Variants in PALB2 observed in about 807,000 individuals in gnomAD.
The protein encoded by PALB2 is mutant partner and localizer of BRCA2.
PALB2 carries 82 observed loss-of-function variants against 107.4 expected under a neutral mutation model. That is an observed-to-expected ratio of 0.76 (90% CI 0.64 to 0.92). The LOEUF (loss-of-function observed/expected upper bound fraction) is 0.92, where lower values mean the gene tolerates loss of function less well. Among genes scored for constraint, PALB2 ranks in the 40% least tolerant of loss-of-function variants. The pLI is 0.00. For missense variants in PALB2, 1,374 were observed against 1,379.9 expected, an observed-to-expected ratio of 1.00 and a Z score of 0.07; for synonymous variants, 489 against 496.8, an observed-to-expected ratio of 0.98 and a Z score of 0.21.
At chr16:23,628,520 T>G (rs1966851479) in intron 6 of PALB2, among the ~76,000 whole-genome samples, 1 of 152,186 alleles carries the variant, frequency 6.6e-6, no homozygotes. Flanking sequence ...GATTAACCAC[T>G]AGAACTGCTC....
intron 11 of PALB2, among the ~76,000 whole-genome samples, chr16:23,610,820 A>G (rs1966571591): frequency 6.6e-6 from 1 of 151,734 alleles, no homozygotes; most frequent in Non-Finnish European, 1.5e-5. Flanking sequence ...GGTGGATCAC[A>G]AAGTCAGGAG....
intron 10 of PALB2, among the ~76,000 whole-genome samples, chr16:23,619,840 C>T (rs1024816332): frequency 5.3e-5 from 8 of 151,916 alleles, no homozygotes; most frequent in African/African-American, 1.2e-4. Flanking sequence ...AGTGCAGTGG[C>T]GCAATCTTGA....
chr16:23,637,887 C>A lies in PALB2; in HGVS notation c.174G>T (p.Leu58Phe). The A allele has an allele frequency of 6.2e-7, 1 of 1,613,988 alleles. No individual in the cohort carries two copies. Among genetic ancestry groups the A allele is most frequent in the Non-Finnish European group, 8.5e-7 (1 of 1,179,924 alleles). Residue 58 changes from leucine to phenylalanine, a missense_variant, in exon 3 of 13, where the codon TTG (leucine) becomes TTT (phenylalanine). Coordinates refer to ENST00000261584, the MANE Select transcript of PALB2 (RefSeq NM_024675.4). ...GCTGCGGTGAGAGATCCTGCTGAGA[C>A]AAACAATCTTGTTCTTCTACTGTTT... ...IKKTVEEQDC[L>F]SQQDLSPQLK...
intron 12 of PALB2, among the ~76,000 whole-genome samples, chr16:23,604,971 G>T (rs530003828): frequency 6.6e-6 from 1 of 152,078 alleles, no homozygotes; most frequent in East Asian, 1.9e-4. Context: ...CTACTAGGGG[G>T]GCTGAGGCAA....
At position 23,629,909 on chromosome 16, in the gene PALB2, C is replaced by T. The variant is rs1555460431; in HGVS notation, c.2245G>A (p.Glu749Lys). The T allele has an allele frequency of 6.2e-7, 1 of 1,614,068 alleles. No homozygotes were observed. ...GTGCAGCAAGTTCGTCCAGCAACTT[C>T]TGTAGATGCTTTTTCATAGGAGCCT... ...PQGSYEKAST[E>K]VAGRTCCTPQ... The change falls in exon 5 of 13, where the codon GAA (glutamate) becomes AAA (lysine). Residue 749 changes from glutamate (E) to lysine (K), a missense_variant. Coordinates refer to ENST00000261584, the MANE Select transcript of PALB2 (RefSeq NM_024675.4).
chr16:23,631,593 C>T (rs1966878395), intron 4 of PALB2, among the ~76,000 whole-genome samples: 1 of 152,112 alleles, frequency 6.6e-6, no homozygotes, highest in African/African-American at 2.4e-5. Flanking sequence ...ATAGTATTAA[C>T]TAGGAGAAGG....
rs2142328620 is a variant in PALB2 at position 23,621,482 on chromosome 16, T to C, written c.2997-4A>G. The C allele has an allele frequency of 6.3e-7, 1 of 1,579,884 alleles. No homozygotes were observed. Among genetic ancestry groups the C allele is most frequent in the Non-Finnish European group, 8.7e-7 (1 of 1,148,908 alleles). On this transcript the variant is annotated splice_polypyrimidine_tract_variant and splice_region_variant and intron_variant, in intron 9 of 12. Coordinates refer to ENST00000261584, the MANE Select transcript of PALB2 (RefSeq NM_024675.4). ...CAAAAATTGGTTTTCTTTGCCTCTG[T>C]AATTAAAACAGTATGAAAAGTCAGT... is the stretch of plus-strand genomic sequence containing the variant.
chr16:23,631,607 T>G, intron 4 of PALB2, among the ~76,000 whole-genome samples: 1 of 152,340 alleles, frequency 6.6e-6, no homozygotes. Flanking sequence ...GAGAAGGGAC[T>G]GAGGACAAGT....
intron 11 of PALB2, among the ~76,000 whole-genome samples, chr16:23,610,614 T>TTA (rs1966567913): frequency 6.6e-6 from 1 of 152,110 alleles, no homozygotes; most frequent in Non-Finnish European, 1.5e-5. Context: ...GCATTAAATA[T>TTA]TATTTCTGAA....
chr16:23,613,381 C>T (rs1966621678), intron 11 of PALB2, among the ~76,000 whole-genome samples: 1 of 152,116 alleles, frequency 6.6e-6, no homozygotes, highest in Non-Finnish European at 1.5e-5. Context: ...CTGTGGCTCA[C>T]ATCTGTAATA....
At chr16:23,606,653 G>A (rs531587139) in intron 12 of PALB2, among the ~76,000 whole-genome samples, 6 of 151,752 alleles carry the variant, frequency 4.0e-5, no homozygotes, top group Non-Finnish European at 5.9e-5. Context: ...AGCCTCCTGA[G>A]TAGCTGGGAT....
chr16:23,636,447 A>C, intron 3 of PALB2, 113 bp from the exon 4 acceptor site: 2 of 754,936 alleles, frequency 2.6e-6, no homozygotes, highest in South Asian at 4.3e-5. Context: ...TTAAGAAAGA[A>C]TCAGTGACAT....
Position 23,621,424 on chromosome 16 carries a change from A to G in PALB2, c.3051T>C (p.Ala1017=), listed in dbSNP as rs774535249. ...GAGCTTCTTGCATCCCTTGGACCTC[A>G]GCAAAAGTTAGTATAGTCTCCTCAG... ...MPPEETILTF[A]EVQGMQEALL... is the part of the protein sequence containing the mutation. The change falls in exon 10 of 13, where the codon GCT becomes GCC. Residue 1017 remains alanine, a synonymous_variant. Coordinates refer to ENST00000261584, the MANE Select transcript of PALB2 (RefSeq NM_024675.4). The G allele has an allele frequency of 6.2e-7, 1 of 1,614,200 alleles. No individual in the cohort carries two copies. Among genetic ancestry groups the G allele is most frequent in the South Asian group, 1.1e-5 (1 of 91,086 alleles).
chr16:23,621,219 C>T (rs1966765111), intron 10 of PALB2, 143 bp downstream of exon 10: 1 of 699,068 alleles, frequency 1.4e-6, no homozygotes. Context: ...CAAAACACAA[C>T]AAAAACAACA....
At chr16:23,605,360 G>T (rs1966451012) in intron 12 of PALB2, among the ~76,000 whole-genome samples, 1 of 152,078 alleles carries the variant, frequency 6.6e-6, no homozygotes, top group Non-Finnish European at 1.5e-5. Flanking sequence ...CTGAACAACA[G>T]TCACTAGTTT....
chr16:23,636,783 ATTTC>A (rs1307549901), intron 3 of PALB2, among the ~76,000 whole-genome samples: 1 of 152,054 alleles, frequency 6.6e-6, no homozygotes, highest in African/African-American at 2.4e-5. Context: ...TATCTCATGT[ATTTC>A]TTTCTTTATT....
intron 11 of PALB2, among the ~76,000 whole-genome samples, chr16:23,608,452 GA>G (rs1430136383): frequency 6.6e-6 from 1 of 152,106 alleles, no homozygotes; most frequent in Non-Finnish European, 1.5e-5. Flanking sequence ...CTTCCCCTTA[GA>G]TAGTACTACA....
rs786203488 is a variant in PALB2 at position 23,621,467 on chromosome 16, TTTTC to T, written c.3004_3007del (p.Glu1002ThrfsTer4). 3.1e-6 allele frequency: 5 copies of T among 1,612,082 alleles called. No homozygotes were observed. The highest frequency in any genetic ancestry group is 4.2e-6 in the Non-Finnish European group (5 of 1,178,234). On this transcript the variant is annotated frameshift_variant, in exon 10 of 13. Coordinates refer to ENST00000261584, the MANE Select transcript of PALB2 (RefSeq NM_024675.4). LOFTEE classifies it high-confidence loss of function. ...CTCCTCAGGGGGCATCAAAAATTGGTTTTCTTTGCCTCTGTAATTAAAACAGTAT... is the reference window on the plus strand; with the variant it reads ...CTCCTCAGGGGGCATCAAAAATTGGTTTTGCCTCTGTAATTAAAACAGTAT...
chr16:23,632,365 A>G (rs1029337613), intron 4 of PALB2, among the ~76,000 whole-genome samples: 1 of 152,020 alleles, frequency 6.6e-6, no homozygotes, highest in African/African-American at 2.4e-5. Flanking sequence ...AATCACTTGA[A>G]CCTGGGAGGC....
Sources: allele counts gnomAD v4.1 joint callset (sites outside exome capture counted in the v4.1 genomes callset), GRCh38; gene constraint gnomAD v4.1.1; transcripts MANE v1.5; gene names NCBI Gene and HGNC (gene_info 2026-07-23, HGNC 2026-07-21).